Variants in SYN2 observed in about 807,000 individuals in gnomAD.
The protein encoded by SYN2 is synapsin-2.
In SYN2, 19 loss-of-function variants were observed where a neutral mutation model predicts 50.9. The observed-to-expected ratio is 0.37, with a 90% CI of 0.26 to 0.55. SYN2 has a LOEUF of 0.55. Among genes scored for constraint, SYN2 ranks in the 20% least tolerant of loss-of-function variants. The probability of loss-of-function intolerance (pLI) is 0.81; values close to 1 mark genes in which losing one functional copy is unlikely to be tolerated. For synonymous variants in SYN2, 255 were observed against 224.9 expected (o/e 1.13, Z -1.20); for missense variants, 587 against 576.4 (o/e 1.02, Z -0.19).
At chr3:12,007,052 T>G (rs574977378) in intron 1 of SYN2, among the ~76,000 whole-genome samples, 1 of 152,322 alleles carries the variant, frequency 6.6e-6, no homozygotes, top group African/African-American at 2.4e-5. Flanking sequence ...TACTGATACT[T>G]ATTTGTATGG....
chr3:12,065,151 G>T (rs1003151889), intron 1 of SYN2, among the ~76,000 whole-genome samples: 1 of 151,994 alleles, frequency 6.6e-6, no homozygotes, highest in Non-Finnish European at 1.5e-5. Flanking sequence ...TTTCAATAAG[G>T]TACCATCTCA....
chr3:12,140,501 G>T, intron 1 of SYN2, 150 bp from the exon 2 acceptor site: 1 of 666,576 alleles, frequency 1.5e-6, no homozygotes, highest in Non-Finnish European at 2.8e-6. Flanking sequence ...GTCTTGTGGT[G>T]ATCTCATAGC....
intron 1 of SYN2, among the ~76,000 whole-genome samples, chr3:12,131,172 AG>A (rs1374330050): frequency 6.6e-6 from 1 of 152,228 alleles, no homozygotes; most frequent in African/African-American, 2.4e-5. Flanking sequence ...TGTGTCCTGC[AG>A]GCATCCTGAG....
chr3:12,100,884 A>G (rs1415238182), intron 1 of SYN2, among the ~76,000 whole-genome samples: 1 of 152,178 alleles, frequency 6.6e-6, no homozygotes, highest in Admixed American at 6.5e-5. Context: ...AAAGATACTC[A>G]GCATCATTTA....
Position 12,086,231 on chromosome 3 carries a change from A to C in SYN2, c.378-54420A>C, listed in dbSNP as rs529709307. Reference sequence around the variant, plus strand: ...TAAGGAGATTGAATAAGTAATAAAAAGTCTCCCATCAATGAAAACCCAAGA... The same window carrying C: ...TAAGGAGATTGAATAAGTAATAAAACGTCTCCCATCAATGAAAACCCAAGA... On this transcript the variant is annotated intron_variant, in intron 1 of 12. Coordinates refer to ENST00000621198, the MANE Select transcript of SYN2 (RefSeq NM_133625.6). Among the ~76,000 whole-genome samples, 8 of 152,278 alleles carry C rather than the reference A, an allele frequency of 5.3e-5. No individual in the cohort carries two copies. The South Asian group carries it at 8.3e-4, about 16-fold the overall frequency.
chr3:12,143,488 T>G (rs746351840), intron 3 of SYN2, among the ~76,000 whole-genome samples: 2 of 152,218 alleles, frequency 1.3e-5, no homozygotes, highest in Non-Finnish European at 2.9e-5. Flanking sequence ...TCCATCTTTA[T>G]GTCTATGTGT....
At chr3:12,073,342 C>A (rs771443598) in intron 1 of SYN2, among the ~76,000 whole-genome samples, 14 of 152,182 alleles carry the variant, frequency 9.2e-5, no homozygotes, top group Non-Finnish European at 1.9e-4. Flanking sequence ...GGCCTAAGTG[C>A]TTCTTAAAAA....
intron 10 of SYN2, among the ~76,000 whole-genome samples, chr3:12,177,636 A>G (rs1311038812): frequency 6.6e-6 from 1 of 152,168 alleles, no homozygotes; most frequent in South Asian, 2.1e-4. Flanking sequence ...GGCTTTAGCA[A>G]ATTTCTTCCC....
intron 1 of SYN2, among the ~76,000 whole-genome samples, chr3:12,035,244 C>T (rs1195378511): frequency 6.6e-6 from 1 of 152,224 alleles, no homozygotes; most frequent in Non-Finnish European, 1.5e-5. Flanking sequence ...CCCACAAGGC[C>T]TCAAGCAGCC....
chr3:12,063,561 A>C (rs1695154932), intron 1 of SYN2, among the ~76,000 whole-genome samples: 1 of 152,028 alleles, frequency 6.6e-6, no homozygotes, highest in South Asian at 2.1e-4. Context: ...ACATGGGAAA[A>C]GGCTAGAATA....
intron 1 of SYN2, among the ~76,000 whole-genome samples, chr3:12,045,571 A>G (rs1274037607): frequency 6.7e-6 from 1 of 149,672 alleles, no homozygotes; most frequent in Non-Finnish European, 1.5e-5. Context: ...CAATCATTTG[A>G]TTAGTGCTTT....
chr3:12,045,060 A>T (rs1694705833), intron 1 of SYN2, among the ~76,000 whole-genome samples: 1 of 152,150 alleles, frequency 6.6e-6, no homozygotes, highest in South Asian at 2.1e-4. Flanking sequence ...CTTAAAGATG[A>T]TGTGATCCAG....
chr3:12,020,538 G>T (rs1694111081), intron 1 of SYN2, among the ~76,000 whole-genome samples: 1 of 152,062 alleles, frequency 6.6e-6, no homozygotes, highest in South Asian at 2.1e-4. Flanking sequence ...CACTTCCCAG[G>T]ATCCTGTGCT....
At chr3:12,043,223 T>C (rs2125150271) in intron 1 of SYN2, among the ~76,000 whole-genome samples, 1 of 152,218 alleles carries the variant, frequency 6.6e-6, no homozygotes, top group Admixed American at 6.5e-5. Flanking sequence ...GGAGTCTCAC[T>C]GTGTTCCCCA....
At chr3:12,098,640 A>G (rs1695997325) in intron 1 of SYN2, among the ~76,000 whole-genome samples, 1 of 151,906 alleles carries the variant, frequency 6.6e-6, no homozygotes, top group Non-Finnish European at 1.5e-5. Context: ...AGATTAATGG[A>G]GGAATAGGGG....
intron 1 of SYN2, among the ~76,000 whole-genome samples, chr3:12,132,044 C>CTTTTTTTTTTTTTTCTTTTTTTTTCT (rs34414958): frequency 9.7e-6 from 1 of 103,028 alleles, no homozygotes; most frequent in African/African-American, 3.2e-5. Flanking sequence ...CTTTTTTTTT[C>CTTTTTTTTTTTTTTCTTTTTTTTTCT]TTTTTTTTTT....
intron 10 of SYN2, among the ~76,000 whole-genome samples, chr3:12,176,801 G>A (rs906546717): frequency 6.6e-6 from 1 of 152,194 alleles, no homozygotes; most frequent in Admixed American, 6.5e-5. Context: ...GCTCTCTGAT[G>A]CCGCCATGGA....
intron 1 of SYN2, among the ~76,000 whole-genome samples, chr3:12,037,143 A>G (rs1483698392): frequency 6.6e-6 from 1 of 152,164 alleles, no homozygotes; most frequent in Non-Finnish European, 1.5e-5. Flanking sequence ...ATTTCTACCT[A>G]CATTCTGATT....
intron 4 of SYN2, among the ~76,000 whole-genome samples, chr3:12,149,368 G>A (rs1436488803): frequency 6.6e-6 from 1 of 152,370 alleles, no homozygotes; most frequent in South Asian, 2.1e-4. Context: ...GGGCAGGCAG[G>A]ACGTAAAGGT....
Sources: gnomAD v4.1 joint callset for allele counts (sites outside exome capture counted in the v4.1 genomes callset) on GRCh38, gnomAD v4.1.1 for gene constraint, MANE v1.5 for transcripts, NCBI Gene and HGNC (gene_info 2026-07-23, HGNC 2026-07-21) for gene names.